Variants in CNOT4 observed in about 807,000 individuals in gnomAD.
CNOT4 encodes the protein CCR4-associated factor 4.
In CNOT4, 8 loss-of-function variants were observed where a neutral mutation model predicts 73.8. That is an observed-to-expected ratio of 0.11 (90% CI 0.06 to 0.20). The LOEUF (loss-of-function observed/expected upper bound fraction) is 0.20, where lower values mean the gene tolerates loss of function less well. CNOT4 is among the 10% of genes least tolerant of loss of function. The probability of loss-of-function intolerance (pLI) is 1.00; values close to 1 mark genes in which losing one functional copy is unlikely to be tolerated. For missense variants in CNOT4, 564 were observed against 883.4 expected (o/e 0.64, Z 4.58); for synonymous variants, 293 against 321.1 (o/e 0.91, Z 0.94).
At chr7:135,426,115 G>A (rs969892004) in intron 2 of CNOT4, among the ~76,000 whole-genome samples, 10 of 152,142 alleles carry the variant, frequency 6.6e-5, no homozygotes, top group Non-Finnish European at 1.2e-4. Flanking sequence ...TTGGGAGGCT[G>A]AGGCAGGAGG....
At chr7:135,402,127 T>TC (rs386360191) in intron 7 of CNOT4, among the ~76,000 whole-genome samples, 2 of 151,800 alleles carry the variant, frequency 1.3e-5, no homozygotes, top group Admixed American at 6.6e-5. Context: ...TTTTTTTTTT[T>TC]GAGACAGAGT....
chr7:135,451,829 G>T (rs1330332686), intron 1 of CNOT4, among the ~76,000 whole-genome samples: 2 of 152,192 alleles, frequency 1.3e-5, no homozygotes, highest in Non-Finnish European at 2.9e-5. Context: ...TTTTTAAAGA[G>T]TATTAAACTT....
At chr7:135,504,257 A>G (rs1585746634) in intron 1 of CNOT4, among the ~76,000 whole-genome samples, 1 of 151,292 alleles carries the variant, frequency 6.6e-6, no homozygotes, top group East Asian at 1.9e-4. Context: ...TACATCATTC[A>G]CTAATTGCTT....
chr7:135,376,629 C>A (rs190368035), intron 10 of CNOT4, among the ~76,000 whole-genome samples: 1 of 152,292 alleles, frequency 6.6e-6, no homozygotes, highest in East Asian at 1.9e-4. Context: ...AATTAAAAGA[C>A]TTCCAAGTTA....
At chr7:135,489,642 C>T (rs531693773) in intron 1 of CNOT4, among the ~76,000 whole-genome samples, 5 of 152,108 alleles carry the variant, frequency 3.3e-5, no homozygotes, top group Admixed American at 2.6e-4. Flanking sequence ...GTGATCTGCC[C>T]GCCTTAACCT....
intron 1 of CNOT4, among the ~76,000 whole-genome samples, chr7:135,462,740 G>A (rs1800953660): frequency 6.6e-6 from 1 of 152,150 alleles, no homozygotes; most frequent in Non-Finnish European, 1.5e-5. Flanking sequence ...TTAAAATAAC[G>A]AGTTTTGAGA....
chr7:135,447,347 T>C (rs550474128), intron 1 of CNOT4, among the ~76,000 whole-genome samples: 11 of 152,316 alleles, frequency 7.2e-5, no homozygotes, highest in African/African-American at 1.9e-4. Context: ...TACCAATGTA[T>C]ATCTACCATG....
chr7:135,458,230 T>C (rs1800665176), intron 1 of CNOT4, among the ~76,000 whole-genome samples: 1 of 152,158 alleles, frequency 6.6e-6, no homozygotes, highest in Admixed American at 6.5e-5. Flanking sequence ...CACTATACTG[T>C]AGTATATCAC....
Position 135,363,190 on chromosome 7 carries a change from AG to A in CNOT4, c.1841-5del. On this transcript the variant is annotated splice_region_variant and splice_polypyrimidine_tract_variant and intron_variant, in intron 11 of 11. Transcript: ENST00000541284. The surrounding 1 kb of genome is among the most constrained non-coding windows in gnomAD (Gnocchi z 4.3). ...TTTCCTGAAGACGCTGGAATACCTA[AG>A]GAGAGAAAAGAAAAAAGAGGGAAAA... 6.2e-7 allele frequency: 1 copy of A among 1,612,764 alleles called. No homozygotes were observed. The highest frequency in any genetic ancestry group is 8.5e-7 in the Non-Finnish European group (1 of 1,179,648).
intron 7 of CNOT4, among the ~76,000 whole-genome samples, chr7:135,401,632 T>C (rs920581806): frequency 5.3e-5 from 8 of 152,146 alleles, no homozygotes; most frequent in Non-Finnish European, 1.0e-4. Flanking sequence ...AGAAGTTGCC[T>C]AGTGAGGGAA....
chr7:135,454,117 G>T (rs1174363067), intron 1 of CNOT4, among the ~76,000 whole-genome samples: 4 of 151,024 alleles, frequency 2.6e-5, no homozygotes, highest in Non-Finnish European at 5.9e-5. Context: ...TTCTTTAAAA[G>T]GAAGAAAAAA....
intron 1 of CNOT4, among the ~76,000 whole-genome samples, chr7:135,491,763 T>G (rs983735253): frequency 3.3e-5 from 5 of 152,176 alleles, no homozygotes; most frequent in African/African-American, 1.2e-4. Context: ...TGATAGGAAT[T>G]ATCCAGAAGA....
At chr7:135,399,016 C>T (rs1448159465) in intron 7 of CNOT4, among the ~76,000 whole-genome samples, 1 of 152,060 alleles carries the variant, frequency 6.6e-6, no homozygotes, top group Non-Finnish European at 1.5e-5. Flanking sequence ...TTTATTTTCA[C>T]ATAGAGAAAA....
At chr7:135,469,296 T>C (rs2129486636) in intron 1 of CNOT4, among the ~76,000 whole-genome samples, 1 of 152,320 alleles carries the variant, frequency 6.6e-6, no homozygotes, top group South Asian at 2.1e-4. Context: ...AATACAAATT[T>C]TGGAATCAGA....
At chr7:135,457,443 C>T (rs1197232344) in intron 1 of CNOT4, among the ~76,000 whole-genome samples, 1 of 152,038 alleles carries the variant, frequency 6.6e-6, no homozygotes, top group Non-Finnish European at 1.5e-5. Context: ...CTATGATACA[C>T]AGTATCTCGC....
chr7:135,438,093 A>C, intron 2 of CNOT4, 65 bp downstream of exon 2: 2 of 844,978 alleles, frequency 2.4e-6, no homozygotes, highest in Non-Finnish European at 2.0e-6. Flanking sequence ...ACTTGCTCAT[A>C]TACATGGCAG....
chr7:135,366,416 GTTTGT>G (rs1425972002), intron 10 of CNOT4, among the ~76,000 whole-genome samples: 1 of 151,260 alleles, frequency 6.6e-6, no homozygotes, highest in African/African-American at 2.4e-5. Flanking sequence ...CTAAAAAAAA[GTTTGT>G]TTTAAGGGAC....
chr7:135,442,363 A>G (rs1585649028), intron 1 of CNOT4, among the ~76,000 whole-genome samples: 1 of 152,164 alleles, frequency 6.6e-6, no homozygotes, highest in Non-Finnish European at 1.5e-5. Flanking sequence ...TTGGGAGGCC[A>G]AGGCGGGCGG....
At position 135,398,189 on chromosome 7, in the gene CNOT4, TC is replaced by T; in HGVS notation, c.858del (p.Asn287ThrfsTer44). 6.4e-7 allele frequency: 1 copy of T among 1,553,290 alleles called. No homozygotes were observed. Among genetic ancestry groups the T allele is most frequent in the Non-Finnish European group, 8.9e-7 (1 of 1,125,926 alleles). Reference sequence around the variant, plus strand: ...CTTACCTGCTGGGAATTATCACCGTTCCCTATACTGAGAGAATCTGAAGGTT... The same window carrying T: ...CTTACCTGCTGGGAATTATCACCGTTCCTATACTGAGAGAATCTGAAGGTT... The part of the protein sequence containing the change: ...IDKPSDSLSI[G>X]NGDNSQQISN... On this transcript the variant is annotated frameshift_variant, in exon 8 of 12. Coordinates refer to ENST00000541284, the MANE Select transcript of CNOT4 (RefSeq NM_001190850.2). LOFTEE classifies it high-confidence loss of function.
Sources: allele counts gnomAD v4.1 joint callset (sites outside exome capture counted in the v4.1 genomes callset), GRCh38; gene constraint gnomAD v4.1.1; non-coding constraint Gnocchi (gnomAD v3.1); transcripts MANE v1.5; gene names NCBI Gene and HGNC (gene_info 2026-07-23, HGNC 2026-07-21).